TNS3: variants seen among roughly 807,000 people sequenced by gnomAD.
TNS3 encodes tensin 3.
Under a neutral mutation model 140.9 loss-of-function variants are expected in TNS3, and 45 were observed. The ratio of observed to expected loss-of-function variants is 0.32; its 90% CI spans 0.25 to 0.41. The LOEUF is 0.41. Among genes scored for constraint, TNS3 ranks in the 10% least tolerant of loss-of-function variants. The pLI is 1.00. For synonymous variants in TNS3, 815 were observed against 788.4 expected, an observed-to-expected ratio of 1.03 and a Z score of -0.56; for missense variants, 1,716 against 1,906.7, an observed-to-expected ratio of 0.90 and a Z score of 1.86.
At chr7:47,472,997 G>C (rs1406945443) in intron 4 of TNS3, among the ~76,000 whole-genome samples, 1 of 152,118 alleles carries the variant, frequency 6.6e-6, no homozygotes, top group Non-Finnish European at 1.5e-5. Context: ...TCTGCTGAGC[G>C]ACCTCACGCG....
At position 47,493,322 on chromosome 7, in the gene TNS3, G is replaced by C. The variant is rs544328897; in HGVS notation, c.-114-12181C>G. 5.7e-4 allele frequency among the ~76,000 whole-genome samples: 87 copies of C among 152,330 alleles called. No individual in the cohort carries two copies. In the Middle Eastern group the frequency reaches 0.01, roughly 18 times the overall value. ...CACACTTCGGGGCACTCGGAGATGA[G>C]AAAGAATTAGCAGTTGCCTTCGAAA... On this transcript the variant is annotated intron_variant, in intron 3 of 30. Coordinates refer to ENST00000311160, the MANE Select transcript of TNS3 (RefSeq NM_022748.12).
intron 13 of TNS3, chr7:47,405,461 AG>A: frequency 1.4e-6 from 1 of 701,916 alleles, no homozygotes; most frequent in Non-Finnish European, 2.6e-6. Context: ...TAAGCCCCAT[AG>A]GTCAAAGACT....
intron 17 of TNS3, among the ~76,000 whole-genome samples, chr7:47,356,722 A>T (rs1025809699): frequency 1.3e-5 from 2 of 152,224 alleles, no homozygotes; most frequent in Non-Finnish European, 2.9e-5. Context: ...AGATATAACA[A>T]ACAAAATATC....
intron 16 of TNS3, among the ~76,000 whole-genome samples, chr7:47,384,328 C>G (rs1378874816): frequency 1.3e-5 from 2 of 152,234 alleles, no homozygotes; most frequent in African/African-American, 4.8e-5. Flanking sequence ...CTTCAGAACA[C>G]TTTCACCCAA....
intron 17 of TNS3, among the ~76,000 whole-genome samples, chr7:47,365,337 C>T (rs56391828): frequency 0.15 from 21,938 of 150,628 alleles, 1,872 homozygotes; most frequent in East Asian, 0.33. Context: ...CCCAGCTACT[C>T]GGGAGGCTGA....
chr7:47,453,516 T>C (rs1319549981), intron 4 of TNS3, among the ~76,000 whole-genome samples: 1 of 152,196 alleles, frequency 6.6e-6, no homozygotes, highest in African/African-American at 2.4e-5. Flanking sequence ...CTTTACCACT[T>C]CCTTCCTTAG....
At chr7:47,528,166 G>A (rs1221022556) in intron 2 of TNS3, among the ~76,000 whole-genome samples, 1 of 152,102 alleles carries the variant, frequency 6.6e-6, no homozygotes, top group Admixed American at 6.6e-5. Flanking sequence ...CCTTTGAACT[G>A]TAAAAGAATC....
At chr7:47,285,656 G>A (rs140470921) in intron 27 of TNS3, among the ~76,000 whole-genome samples, 3 of 152,326 alleles carry the variant, frequency 2.0e-5, no homozygotes, top group Admixed American at 1.3e-4. Flanking sequence ...TATACTTGGC[G>A]ATATTTATCA....
At chr7:47,495,377 C>G (rs555041751) in intron 3 of TNS3, among the ~76,000 whole-genome samples, 15 of 152,146 alleles carry the variant, frequency 9.9e-5, no homozygotes, top group African/African-American at 2.7e-4. Context: ...TGGACACACA[C>G]GCTGACAACA....
At chr7:47,572,367 C>T (rs1202697385) in intron 1 of TNS3, among the ~76,000 whole-genome samples, 3 of 152,226 alleles carry the variant, frequency 2.0e-5, no homozygotes, top group Non-Finnish European at 4.4e-5. Context: ...CTCACGCCCA[C>T]TGCTGCAAAC....
At chr7:47,521,582 G>A (rs1000815229) in intron 2 of TNS3, among the ~76,000 whole-genome samples, 16 of 152,192 alleles carry the variant, frequency 1.1e-4, no homozygotes, top group African/African-American at 3.9e-4. Context: ...GGATAGTTCT[G>A]GAGGGAAAAG....
At chr7:47,564,930 G>A (rs2152004692) in intron 1 of TNS3, among the ~76,000 whole-genome samples, 1 of 152,042 alleles carries the variant, frequency 6.6e-6, no homozygotes, top group South Asian at 2.1e-4. Context: ...TTGCTCCTGA[G>A]TTCATAGGAA....
At chr7:47,414,052 A>G in intron 11 of TNS3, 55 bp from the exon 12 acceptor site, 3 of 1,593,882 alleles carry the variant, frequency 1.9e-6, no homozygotes, top group Non-Finnish European at 2.6e-6. Context: ...AACGAACAGG[A>G]ATTTGGCAAT....
intron 13 of TNS3, among the ~76,000 whole-genome samples, chr7:47,404,482 T>C (rs1352877248): frequency 6.6e-6 from 1 of 152,158 alleles, no homozygotes; most frequent in Admixed American, 6.5e-5. Flanking sequence ...ACATATAGGG[T>C]GAATGATGAT....
At chr7:47,567,530 A>T (rs1242760341) in intron 1 of TNS3, among the ~76,000 whole-genome samples, 1 of 152,040 alleles carries the variant, frequency 6.6e-6, no homozygotes, top group Non-Finnish European at 1.5e-5. Context: ...TAAAAATACA[A>T]AAAATTAGTC....
At position 47,368,348 on chromosome 7, in the gene TNS3, A is replaced by G. The variant is rs929563179; in HGVS notation, c.2281+17T>C. 2.7e-6 allele frequency: 4 copies of G among 1,469,852 alleles called. No homozygotes were observed. The East Asian group carries it at 7.2e-5, about 27-fold the overall frequency. The allele number at this position is 1,469,852 out of a possible 1,614,324, so 91.1% of individuals were successfully genotyped here. Reference sequence around the variant, plus strand: ...GAGCACCTCCCGTGGAGCACCTCCCATGGAGACCCAGCTCACCTTGCCGCC... The same window carrying G: ...GAGCACCTCCCGTGGAGCACCTCCCGTGGAGACCCAGCTCACCTTGCCGCC... On this transcript the variant is annotated intron_variant, in intron 17 of 30. Coordinates refer to ENST00000311160, the MANE Select transcript of TNS3 (RefSeq NM_022748.12).
Position 47,388,659 on chromosome 7 carries a change from G to A in TNS3, c.1024+8141C>T, listed in dbSNP as rs114226025. 8.4e-3 allele frequency among the ~76,000 whole-genome samples: 1,277 copies of A among 152,244 alleles called. 15 individuals carry two copies. Among genetic ancestry groups the A allele is most frequent in the African/African-American group, 0.028 (1,152 of 41,538 alleles). ...GTGGGCAGATCTCCTGAGTTGAAGA[G>A]ATCGAGACTAGCCTGGCCAACATAG... On this transcript the variant is annotated intron_variant, in intron 16 of 30. Coordinates refer to ENST00000311160, the MANE Select transcript of TNS3 (RefSeq NM_022748.12).
chr7:47,521,277 C>T lies in TNS3; in HGVS notation c.-153+7759G>A, dbSNP rs141255280. Among the ~76,000 whole-genome samples the T allele has an allele frequency of 2.4e-3, 366 of 152,304 alleles. 1 individual carries two copies. Among genetic ancestry groups the T allele is most frequent in the Non-Finnish European group, 3.7e-3 (249 of 68,024 alleles). On this transcript the variant is annotated intron_variant, in intron 2 of 30. Transcript: ENST00000311160. The stretch of plus-strand genomic sequence containing the variant: ...TACCTCTGATAAAGCACTCCTCACA[C>T]GGGATCCTGTTCCTGCTCACTACTC...
At chr7:47,393,347 G>C (rs932926654) in intron 16 of TNS3, among the ~76,000 whole-genome samples, 1 of 152,178 alleles carries the variant, frequency 6.6e-6, no homozygotes, top group Non-Finnish European at 1.5e-5. Context: ...CAGACAGCAC[G>C]TGGGGATGGA....
Sources: gnomAD v4.1 joint callset for allele counts (sites outside exome capture counted in the v4.1 genomes callset) on GRCh38, gnomAD v4.1.1 for gene constraint, MANE v1.5 for transcripts, NCBI Gene and HGNC (gene_info 2026-07-23, HGNC 2026-07-21) for gene names.